ADAMTSL3: variants seen among roughly 807,000 people sequenced by gnomAD.
The protein encoded by ADAMTSL3 is ADAMTS-like protein 3.
Under a neutral mutation model 201.7 loss-of-function variants are expected in ADAMTSL3, and 128 were observed. That is an observed-to-expected ratio of 0.63 (90% CI 0.55 to 0.73). ADAMTSL3 has a LOEUF of 0.73. Among genes scored for constraint, ADAMTSL3 ranks in the 30% least tolerant of loss-of-function variants. ADAMTSL3 has a pLI of 0.00. For missense variants in ADAMTSL3, 1,990 were observed against 2,119.6 expected, an observed-to-expected ratio of 0.94 and a Z score of 1.20; for synonymous variants, 738 against 748.4, an observed-to-expected ratio of 0.99 and a Z score of 0.23.
At chr15:84,029,597 G>A (rs138938166) in intron 27 of ADAMTSL3, among the ~76,000 whole-genome samples, 2 of 152,062 alleles carry the variant, frequency 1.3e-5, no homozygotes, top group African/African-American at 4.8e-5. Context: ...ATAAAAGTTT[G>A]GAAAATTTGC....
chr15:83,989,489 A>G (rs1596504893), intron 22 of ADAMTSL3, among the ~76,000 whole-genome samples: 1 of 152,248 alleles, frequency 6.6e-6, no homozygotes, highest in Non-Finnish European at 1.5e-5. Context: ...TTAAAGTTCC[A>G]TCAGTCAACA....
intron 3 of ADAMTSL3, among the ~76,000 whole-genome samples, chr15:83,757,437 T>G (rs1381507443): frequency 6.6e-6 from 1 of 152,072 alleles, no homozygotes; most frequent in Non-Finnish European, 1.5e-5. Context: ...AGTGGCTGAG[T>G]GGCTGAGTGG....
At chr15:83,961,976 CA>C (rs1307476469) in intron 19 of ADAMTSL3, among the ~76,000 whole-genome samples, 1 of 152,112 alleles carries the variant, frequency 6.6e-6, no homozygotes, top group African/African-American at 2.4e-5. Flanking sequence ...TGTCCCCACC[CA>C]AATCTCATCT....
At chr15:84,036,144 G>C (rs1319341431) in intron 28 of ADAMTSL3, among the ~76,000 whole-genome samples, 1 of 152,130 alleles carries the variant, frequency 6.6e-6, no homozygotes, top group Non-Finnish European at 1.5e-5. Flanking sequence ...ACTAAGTTTG[G>C]CTCTATCCTC....
chr15:83,909,014 C>G (rs1185647096), intron 15 of ADAMTSL3, among the ~76,000 whole-genome samples: 5 of 152,192 alleles, frequency 3.3e-5, no homozygotes, highest in Admixed American at 3.3e-4. Flanking sequence ...TTTTCAATTT[C>G]TAGAGGCCAC....
At chr15:83,707,424 C>T (rs1214952729) in intron 3 of ADAMTSL3, among the ~76,000 whole-genome samples, 2 of 152,164 alleles carry the variant, frequency 1.3e-5, no homozygotes, top group African/African-American at 4.8e-5. Context: ...AGATCTCATG[C>T]AATATTTTCA....
intron 2 of ADAMTSL3, among the ~76,000 whole-genome samples, chr15:83,689,001 T>C (rs1362465666): frequency 6.6e-6 from 1 of 151,968 alleles, no homozygotes; most frequent in African/African-American, 2.4e-5. Context: ...TTTTGCATTT[T>C]TTGTAGAGAC....
intron 3 of ADAMTSL3, among the ~76,000 whole-genome samples, chr15:83,764,601 A>G (rs1182417629): frequency 1.3e-5 from 2 of 152,046 alleles, no homozygotes; most frequent in African/African-American, 4.8e-5. Flanking sequence ...AGTTCCTCTC[A>G]GGCAGCCCTG....
At chr15:83,791,215 C>T (rs1293105184) in intron 4 of ADAMTSL3, among the ~76,000 whole-genome samples, 3 of 152,062 alleles carry the variant, frequency 2.0e-5, no homozygotes, top group Non-Finnish European at 4.4e-5. Flanking sequence ...ACATTCTTCA[C>T]AGAAATAGAA....
chr15:83,670,215 G>A lies in ADAMTSL3; in HGVS notation c.69+14385G>A, dbSNP rs1177295077. On this transcript the variant is annotated intron_variant, in intron 2 of 29. Transcript: ENST00000286744. ...AGAGGTTGCAGTGAGCTGAGATTGC[G>A]CCACTGCACTCCAGCCTGGGTGACA... Among the ~76,000 whole-genome samples the A allele has an allele frequency of 1.7e-4, 23 of 136,108 alleles. No homozygotes were observed. The South Asian group carries it at 3.9e-3, about 23-fold the overall frequency. The allele number at this position is 136,108 out of a possible 152,430, so 89.3% of individuals were successfully genotyped here.
At chr15:83,839,377 C>T (rs2064332604) in intron 7 of ADAMTSL3, among the ~76,000 whole-genome samples, 1 of 152,230 alleles carries the variant, frequency 6.6e-6, no homozygotes, top group Non-Finnish European at 1.5e-5. Context: ...TTGTTCAGGC[C>T]TGACTGTACA....
chr15:83,756,776 T>A (rs1479386109), intron 3 of ADAMTSL3, among the ~76,000 whole-genome samples: 4 of 152,152 alleles, frequency 2.6e-5, no homozygotes, highest in African/African-American at 9.7e-5. Context: ...AGTTAGTTAC[T>A]CTCAAGATAC....
chr15:83,946,913 C>T (rs2066665379), intron 19 of ADAMTSL3, among the ~76,000 whole-genome samples: 1 of 152,136 alleles, frequency 6.6e-6, no homozygotes, highest in Non-Finnish European at 1.5e-5. Flanking sequence ...TAGGAAGCCC[C>T]TATCTGGGAG....
intron 21 of ADAMTSL3, among the ~76,000 whole-genome samples, chr15:83,986,126 G>T (rs1286099670): frequency 2.0e-5 from 3 of 152,056 alleles, no homozygotes; most frequent in African/African-American, 4.8e-5. Context: ...CTAATTAATG[G>T]CTTCGTATTA....
At chr15:83,857,946 G>T (rs929047086) in intron 7 of ADAMTSL3, among the ~76,000 whole-genome samples, 1 of 152,214 alleles carries the variant, frequency 6.6e-6, no homozygotes, top group Non-Finnish European at 1.5e-5. Context: ...TATGAGCTTA[G>T]ATTATTATGT....
chr15:83,868,031 T>G (rs73439470), intron 8 of ADAMTSL3, among the ~76,000 whole-genome samples: 5,506 of 152,230 alleles, frequency 0.036, 297 homozygotes, highest in African/African-American at 0.13. Flanking sequence ...TCCTCAACAC[T>G]TCCCTCCCTC....
At chr15:83,685,089 A>G (rs568006548) in intron 2 of ADAMTSL3, among the ~76,000 whole-genome samples, 2 of 152,272 alleles carry the variant, frequency 1.3e-5, no homozygotes, top group East Asian at 1.9e-4. Flanking sequence ...TGCCCTGATT[A>G]CTAGTGAAAT....
chr15:83,878,938 G>A (rs1359474055), intron 9 of ADAMTSL3, among the ~76,000 whole-genome samples: 30 of 151,704 alleles, frequency 2.0e-4, no homozygotes, highest in Non-Finnish European at 1.5e-5. Flanking sequence ...TTAGAATTAT[G>A]CATTTAATGT....
chr15:83,765,704 T>C (rs183033630), intron 3 of ADAMTSL3, among the ~76,000 whole-genome samples: 1 of 152,336 alleles, frequency 6.6e-6, no homozygotes, highest in East Asian at 1.9e-4. Flanking sequence ...AATATCTTTT[T>C]TGGAATTTTT....
Sources: gnomAD v4.1 joint callset for allele counts (sites outside exome capture counted in the v4.1 genomes callset) on GRCh38, gnomAD v4.1.1 for gene constraint, MANE v1.5 for transcripts, NCBI Gene and HGNC (gene_info 2026-07-23, HGNC 2026-07-21) for gene names.